The following LYPLAL1 variants were observed in gnomAD, a reference collection of about 807,000 sequenced individuals.
LYPLAL1 encodes lysophospholipase like 1.
A neutral mutation model predicts 19.7 loss-of-function variants in LYPLAL1; 23 were observed. That is an observed-to-expected ratio of 1.17 (90% confidence interval 0.84 to 1.65). LYPLAL1 has a LOEUF of 1.65. Among genes scored for constraint, LYPLAL1 ranks in the 40% most tolerant of loss-of-function variants. LYPLAL1 has a pLI of 0.00. For synonymous variants in LYPLAL1, 119 were observed against 96.3 expected (o/e 1.24, Z -1.38); for missense variants, 355 against 279.4 (o/e 1.27, Z -1.93).
chr1:219,260,434 T>C, the LYPLAL1 span, among the ~76,000 whole-genome samples: 1 of 151,554 alleles, frequency 6.6e-6, no homozygotes, highest in East Asian at 1.9e-4. Flanking sequence ...AAGCATAAAA[T>C]AGCAGTCATA....
the LYPLAL1 span, among the ~76,000 whole-genome samples, chr1:219,293,198 T>A: frequency 6.6e-6 from 1 of 152,054 alleles, no homozygotes; most frequent in African/African-American, 2.4e-5. Context: ...GAGCCAGAAA[T>A]GAGAACAGCT....
chr1:219,183,125 C>G (rs534371789), intron 2 of LYPLAL1, among the ~76,000 whole-genome samples: 1 of 152,156 alleles, frequency 6.6e-6, no homozygotes, highest in Admixed American at 6.6e-5. Flanking sequence ...TAATTTTAGC[C>G]AAACCAGTAG....
chr1:219,420,910 TAA>T, the LYPLAL1 span, among the ~76,000 whole-genome samples: 116 of 152,344 alleles, frequency 7.6e-4, 1 homozygote, highest in Middle Eastern at 6.8e-3. Context: ...AACAGTAATT[TAA>T]GTCCATTCTG....
chr1:219,179,287 G>A, intron 2 of LYPLAL1, 41 bp downstream of exon 2: 2 of 1,393,232 alleles, frequency 1.4e-6, no homozygotes, highest in East Asian at 2.3e-5. Context: ...TAACTCTGTG[G>A]CATAAAATAT....
chr1:219,321,638 C>A, the LYPLAL1 span, among the ~76,000 whole-genome samples: 2 of 152,230 alleles, frequency 1.3e-5, no homozygotes, highest in African/African-American at 2.4e-5. Flanking sequence ...AGGAAGGGAT[C>A]ATTTTAGTAG....
At chr1:219,285,684 T>C in the LYPLAL1 span, among the ~76,000 whole-genome samples, 3 of 152,192 alleles carry the variant, frequency 2.0e-5, no homozygotes, top group Non-Finnish European at 2.9e-5. Flanking sequence ...CAGAGAAACA[T>C]AGTAGATCAG....
chr1:219,399,177 G>T, the LYPLAL1 span, among the ~76,000 whole-genome samples: 32 of 152,258 alleles, frequency 2.1e-4, no homozygotes, highest in Admixed American at 5.2e-4. Context: ...GGGGCGGGGG[G>T]GCCTCCCAGT....
At chr1:219,187,220 G>T (rs1439294659) in intron 2 of LYPLAL1, among the ~76,000 whole-genome samples, 2 of 151,630 alleles carry the variant, frequency 1.3e-5, no homozygotes, top group African/African-American at 4.8e-5. Context: ...TATATACTCA[G>T]TTGTGGTCTA....
the LYPLAL1 span, among the ~76,000 whole-genome samples, chr1:219,235,912 G>GTTTCAACAATAT: frequency 2.0e-5 from 3 of 152,120 alleles, no homozygotes; most frequent in Non-Finnish European, 2.9e-5. Context: ...CATTTGTTTG[G>GTTTCAACAATAT]TGTTTCAACA....
downstream of LYPLAL1, among the ~76,000 whole-genome samples, chr1:219,217,744 T>A (rs1659345746): frequency 6.6e-6 from 1 of 152,102 alleles, no homozygotes; most frequent in African/African-American, 2.4e-5. Context: ...AAGAAACCAC[T>A]CAACCATTCT....
chr1:219,397,375 C>G, the LYPLAL1 span, among the ~76,000 whole-genome samples: 1 of 152,080 alleles, frequency 6.6e-6, no homozygotes, highest in Non-Finnish European at 1.5e-5. Flanking sequence ...CTGAAGGTTT[C>G]TTTTTTTGTT....
intron 1 of LYPLAL1, among the ~76,000 whole-genome samples, chr1:219,177,536 T>C (rs992445753): frequency 2.6e-5 from 4 of 152,158 alleles, no homozygotes; most frequent in Non-Finnish European, 5.9e-5. Context: ...TGTATGCCTG[T>C]TGCTTATGTT....
the LYPLAL1 span, among the ~76,000 whole-genome samples, chr1:219,236,547 G>T: frequency 6.6e-6 from 1 of 152,146 alleles, no homozygotes; most frequent in South Asian, 2.1e-4. Context: ...ATTCTCTTAA[G>T]AAATAAAACT....
chr1:219,421,582 C>T, the LYPLAL1 span, among the ~76,000 whole-genome samples: 3 of 152,176 alleles, frequency 2.0e-5, no homozygotes, highest in African/African-American at 7.2e-5. Flanking sequence ...GCTGATAAAA[C>T]TCAAATTTGA....
At chr1:219,216,845 AGT>A (rs35948797), downstream of LYPLAL1, among the ~76,000 whole-genome samples, 36,674 of 151,990 alleles carry the variant, frequency 0.24, 4,600 homozygotes, top group Non-Finnish European at 0.29. Flanking sequence ...AAGCCGGGGC[AGT>A]CCTTAGAGCT....
chr1:219,358,124 C>G, the LYPLAL1 span, among the ~76,000 whole-genome samples: 1 of 152,068 alleles, frequency 6.6e-6, no homozygotes, highest in East Asian at 1.9e-4. Context: ...CTTCATGACA[C>G]CAAGAGTGGA....
the LYPLAL1 span, among the ~76,000 whole-genome samples, chr1:219,352,441 C>G: frequency 6.6e-6 from 1 of 152,128 alleles, no homozygotes; most frequent in African/African-American, 2.4e-5. Flanking sequence ...TGGCGTGAAC[C>G]CGGGAGGTGG....
intron 2 of LYPLAL1, among the ~76,000 whole-genome samples, chr1:219,185,215 A>G (rs1226315533): frequency 6.6e-6 from 1 of 151,678 alleles, no homozygotes; most frequent in East Asian, 1.9e-4. Context: ...TTTCCTTTTA[A>G]TGCTTTTATG....
the LYPLAL1 span, chr1:219,225,506 C>G: frequency 6.6e-6 from 1 of 152,282 alleles, no homozygotes; most frequent in South Asian, 2.1e-4. Flanking sequence ...TTAACAGATG[C>G]TTTTGATGTT....
Sources: allele counts gnomAD v4.1 joint callset (sites outside exome capture counted in the v4.1 genomes callset), GRCh38; gene constraint gnomAD v4.1.1; transcripts MANE v1.5; gene names NCBI Gene and HGNC (gene_info 2026-07-23, HGNC 2026-07-21).